The following COL14A1 variants were observed in gnomAD, a reference collection of about 807,000 sequenced individuals.
COL14A1 encodes the protein collagen alpha-1(XIV) chain.
Under a neutral mutation model 230.3 loss-of-function variants are expected in COL14A1, and 136 were observed. The ratio of observed to expected loss-of-function variants is 0.59; its 90% CI spans 0.51 to 0.68. The LOEUF is 0.68. Ranked by LOEUF, COL14A1 falls within the 30% of genes least tolerant of loss-of-function variation. The pLI, the probability that COL14A1 is intolerant of heterozygous loss-of-function variation, is 0.00. For synonymous variants in COL14A1, 792 were observed against 784.1 expected (o/e 1.01, Z -0.17); for missense variants, 1,976 against 2,215.8 (o/e 0.89, Z 2.17).
At chr8:120,170,849 A>C (rs907068516) in intron 5 of COL14A1, among the ~76,000 whole-genome samples, 2 of 151,974 alleles carry the variant, frequency 1.3e-5, no homozygotes, top group Admixed American at 1.3e-4. Context: ...CACATAATGC[A>C]TTGATTCTCT....
rs61729463 is a variant in COL14A1, at chr8:120,196,802, G to T, written c.448G>T (p.Val150Phe). 725 of 1,613,492 alleles carry T rather than the reference G, an allele frequency of 4.5e-4. 2 individuals carry two copies. The highest frequency in any genetic ancestry group is 3.7e-3 in the African/African-American group (276 of 75,002). ...RPSSPEEVKF[V>F]CQTPAIADIV... is the part of the protein sequence containing the mutation. ...TTTGTGCTTTGCAGAAGTGAAATTT[G>T]TCTGTCAAACTCCAGCAATTGCTGA... Residue 150 changes from valine (V) to phenylalanine (F), a missense_variant, in exon 6 of 48, where the codon GTC (valine) becomes TTC (phenylalanine). By Grantham distance (50) the Val-to-Phe change is conservative (BLOSUM62 -1). This residue lies in a region of COL14A1 where 181 missense variants were observed against 178.6 expected (regional missense o/e 1.01). Transcript: ENST00000297848.
intron 14 of COL14A1, among the ~76,000 whole-genome samples, chr8:120,219,978 G>A (rs1817877628): frequency 6.6e-6 from 1 of 150,560 alleles, no homozygotes; most frequent in Admixed American, 6.6e-5. Context: ...TTTGACTAGG[G>A]TGTGTATGTG....
chr8:120,250,204 C>A (rs983366), intron 21 of COL14A1, among the ~76,000 whole-genome samples: 1 of 152,190 alleles, frequency 6.6e-6, no homozygotes, highest in Admixed American at 6.5e-5. Flanking sequence ...ATGGCCTGGT[C>A]TCCATGATAA....
intron 18 of COL14A1, among the ~76,000 whole-genome samples, chr8:120,231,124 G>T (rs143359571): frequency 2.0e-4 from 31 of 152,222 alleles, no homozygotes; most frequent in African/African-American, 7.5e-4. Flanking sequence ...GAGCACTAGT[G>T]TGAGGTTCTC....
chr8:120,192,919 G>A (rs1483628854), intron 5 of COL14A1, among the ~76,000 whole-genome samples: 11 of 152,064 alleles, frequency 7.2e-5, no homozygotes, highest in African/African-American at 4.8e-5. Flanking sequence ...GCACTTCTCT[G>A]TATTGGTTAT....
At chr8:120,281,877 CT>C (rs2129909233) in intron 31 of COL14A1, among the ~76,000 whole-genome samples, 1 of 152,262 alleles carries the variant, frequency 6.6e-6, no homozygotes, top group East Asian at 1.9e-4. Context: ...AACAGCAACT[CT>C]AGAAAGTTGA....
intron 25 of COL14A1, 164 bp downstream of exon 25, chr8:120,267,047 T>A: frequency 1.7e-6 from 1 of 603,818 alleles, no homozygotes; most frequent in South Asian, 2.1e-5. Flanking sequence ...TTGAATGATA[T>A]CCATTTAATA....
chr8:120,250,222 T>G (rs1485776067), intron 21 of COL14A1, among the ~76,000 whole-genome samples: 1 of 152,214 alleles, frequency 6.6e-6, no homozygotes, highest in South Asian at 2.1e-4. Flanking sequence ...TAAAATTTGC[T>G]ATGACTGCCG....
intron 36 of COL14A1, among the ~76,000 whole-genome samples, chr8:120,307,735 G>T (rs1197929831): frequency 2.6e-5 from 4 of 152,122 alleles, no homozygotes; most frequent in African/African-American, 9.7e-5. Context: ...CAGCAATCAG[G>T]TTGATAAAAA....
chr8:120,204,838 G>T (rs567448857), intron 9 of COL14A1, among the ~76,000 whole-genome samples: 1 of 152,300 alleles, frequency 6.6e-6, no homozygotes, highest in African/African-American at 2.4e-5. Flanking sequence ...GGAGAATGGT[G>T]CCTCATTACT....
chr8:120,262,493 A>C (rs1212782373), intron 23 of COL14A1, among the ~76,000 whole-genome samples: 1 of 152,016 alleles, frequency 6.6e-6, no homozygotes, highest in Non-Finnish European at 1.5e-5. Flanking sequence ...AAAAACAAAA[A>C]CAAAAAAACC....
intron 26 of COL14A1, among the ~76,000 whole-genome samples, chr8:120,273,580 T>C (rs572019718): frequency 6.6e-6 from 1 of 151,826 alleles, no homozygotes; most frequent in South Asian, 2.1e-4. Flanking sequence ...AAGGTTCAAA[T>C]AGTCTCAATT....
chr8:120,284,734 C>T (rs1586831361), intron 32 of COL14A1, among the ~76,000 whole-genome samples: 1 of 151,982 alleles, frequency 6.6e-6, no homozygotes, highest in African/African-American at 2.4e-5. Context: ...TTCATATATA[C>T]CTGGGACTTG....
intron 31 of COL14A1, among the ~76,000 whole-genome samples, chr8:120,283,250 T>TA (rs1214220831): frequency 6.6e-6 from 1 of 152,162 alleles, no homozygotes; most frequent in Non-Finnish European, 1.5e-5. Context: ...AGTTATGTTT[T>TA]ACAAAAGGAT....
Position 120,278,601 on chromosome 8 carries a change from G to A in COL14A1, c.3481+23G>A, listed in dbSNP as rs1479391092. On this transcript the variant is annotated intron_variant, in intron 28 of 47. Transcript: ENST00000297848. ...ATGGTAAGATATATAAACAATAGTG[G>A]CTACCAAATATGATGTTAGAATTGT... 5.0e-6 allele frequency: 8 copies of A among 1,601,116 alleles called. No individual in the cohort carries two copies. The Admixed American group carries it at 5.1e-5, about 10-fold the overall frequency.
chr8:120,283,600 G>C, intron 31 of COL14A1, 36 bp from the exon 32 acceptor site: 1 of 1,558,194 alleles, frequency 6.4e-7, no homozygotes, highest in East Asian at 2.3e-5. Context: ...TTTTGAGGAA[G>C]GATACAATGA....
At chr8:120,345,958 C>T (rs370899349) in intron 45 of COL14A1, among the ~76,000 whole-genome samples, 2 of 152,194 alleles carry the variant, frequency 1.3e-5, no homozygotes, top group African/African-American at 2.4e-5. Flanking sequence ...GCAGAGAACT[C>T]ACTCTGGTGA....
intron 45 of COL14A1, among the ~76,000 whole-genome samples, chr8:120,354,101 T>A (rs1822881951): frequency 8.6e-6 from 1 of 116,496 alleles, no homozygotes; most frequent in South Asian, 3.4e-4. Context: ...GGGACATGGA[T>A]GAAATTGGAA....
rs1822688331 is a variant in COL14A1 at position 120,350,015 on chromosome 8, C to G, written c.5077+4452C>G. ...GGTCGGGTTACACTCAAAGGGAAGC[C>G]CATCAGACTAACAGCGGATCTCTCG... is the stretch of plus-strand genomic sequence containing the variant. On this transcript the variant is annotated intron_variant, in intron 45 of 47. Coordinates refer to ENST00000297848, the MANE Select transcript of COL14A1 (RefSeq NM_021110.4). Among the ~76,000 whole-genome samples, 3 of 138,822 alleles carry G rather than the reference C, an allele frequency of 2.2e-5. No individual in the cohort carries two copies. In the East Asian group the frequency reaches 6.4e-4, roughly 29 times the overall value. The allele number at this position is 138,822 out of a possible 152,430, so 91.1% of individuals were successfully genotyped here. A position where few individuals can be genotyped will look rare whatever the true frequency, so the allele number is the denominator to read the frequency against.
Sources: gnomAD v4.1 joint callset for allele counts (sites outside exome capture counted in the v4.1 genomes callset) on GRCh38, gnomAD v4.1.1 for gene constraint, gnomAD v4.1.1 regional missense constraint, MANE v1.5 for transcripts, NCBI Gene and HGNC (gene_info 2026-07-23, HGNC 2026-07-21) for gene names.